Variants in MALAT1 observed in about 807,000 individuals in gnomAD.
MALAT1 encodes the protein metastasis associated lung adenocarcinoma transcript 1, also known as hepcarcin.
chr11:65,502,605 T>C (rs981368587), exon 3 of MALAT1: 5 of 479,344 alleles, frequency 1.0e-5, no homozygotes, highest in African/African-American at 8.3e-5. Context: ...CTTTTGTTGA[T>C]GAGGGAGGGG....
At chr11:65,505,285 A>G (rs1590707362) in intron 3 of MALAT1, 2 of 518,668 alleles carry the variant, frequency 3.9e-6, no homozygotes, top group Non-Finnish European at 7.7e-6. Context: ...TAAGGTCAAG[A>G]GAAGTGTCAG....
In MALAT1 at chr11:65,501,308, C is replaced by T. The variant is rs151201514; in HGVS notation, n.2571C>T. The T allele has an allele frequency of 5.7e-3, 2,966 of 518,424 alleles. 54 individuals are homozygous for T. The highest frequency in any genetic ancestry group is 4.3e-3 in the Non-Finnish European group (1,122 of 259,738). The allele number at this position is 518,424 out of a possible 1,614,324, so 32.1% of individuals were successfully genotyped here. On this transcript the variant is annotated non_coding_transcript_exon_variant, in exon 3 of 4. Transcript: ENST00000619449. ...TCTAGAATCCTAAAGGCAAATGACT[C>T]AAGGTGTAACAGAAAACAAGAAAAT...
intron 3 of MALAT1, chr11:65,504,100 G>C (rs770610888): frequency 3.9e-6 from 2 of 517,202 alleles, no homozygotes; most frequent in Non-Finnish European, 3.9e-6. Context: ...GGGAGGGGGT[G>C]CCTGTGGGGT....
chr11:65,502,688 G>A (rs1446611052), exon 3 of MALAT1: 1 of 503,866 alleles, frequency 2.0e-6, no homozygotes, highest in Non-Finnish European at 3.9e-6. Flanking sequence ...CAGTATGATG[G>A]CCTAGATGCA....
chr11:65,504,724 G>A (rs1377791905), intron 3 of MALAT1: 2 of 518,778 alleles, frequency 3.9e-6, no homozygotes, highest in African/African-American at 1.9e-5. Context: ...AATTAAACTG[G>A]CAAGTGGAAA....
At chr11:65,500,388 A>T in exon 3 of MALAT1, 1 of 518,998 alleles carries the variant, frequency 1.9e-6, no homozygotes, top group South Asian at 1.4e-5. Context: ...ATTAATTGAC[A>T]GCTGACCCAG....
At chr11:65,505,677 G>A (rs200655069) in intron 3 of MALAT1, 91 of 518,994 alleles carry the variant, frequency 1.8e-4, no homozygotes, top group South Asian at 2.2e-4. Context: ...CGATGGTGTC[G>A]AGGTCTTTGG....
At chr11:65,498,840 G>T (rs369568173) in intron 2 of MALAT1, 1 of 518,542 alleles carries the variant, frequency 1.9e-6, no homozygotes, top group African/African-American at 1.9e-5. Flanking sequence ...CTTTCCACAC[G>T]CTAGTAATTT....
rs773155443 is a variant in MALAT1, at chr11:65,498,751, G to C, written n.231+17G>C. On this transcript the variant is annotated intron_variant and non_coding_transcript_variant, in intron 2 of 3. Coordinates refer to ENST00000619449, the Ensembl canonical transcript of MALAT1. The stretch of plus-strand genomic sequence containing the variant: ...CTTTAAGAGGTATTTTAAAAGTTCC[G>C]GGGGTTTTGTGAGGTGTTTGATGAC... 15 of 518,762 alleles carry C rather than the reference G, an allele frequency of 2.9e-5. No homozygotes were observed. In the Admixed American group the frequency reaches 2.9e-4, roughly 10 times the overall value. 32.1% of individuals were successfully genotyped at this position (518,762 alleles called of 1,614,324 possible). A position where few individuals can be genotyped will look rare whatever the true frequency, so the allele number is the denominator to read the frequency against.
intron 3 of MALAT1, chr11:65,505,283 A>G (rs1854656300): frequency 1.9e-6 from 1 of 518,696 alleles, no homozygotes; most frequent in Non-Finnish European, 3.8e-6. Context: ...CCTAAGGTCA[A>G]GAGAAGTGTC....
chr11:65,502,585 A>G (rs768243126), exon 3 of MALAT1: 1 of 483,720 alleles, frequency 2.1e-6, no homozygotes, highest in Non-Finnish European at 4.0e-6. Context: ...AATGTCTCTT[A>G]GAGGGTGGGC....
chr11:65,498,015 T>G, intron 1 of MALAT1: 1 of 518,930 alleles, frequency 1.9e-6, no homozygotes, highest in Non-Finnish European at 3.8e-6. Flanking sequence ...TGCAGTTTGG[T>G]CTTGGGGTTT....
chr11:65,499,488 C>T (rs777005385), exon 3 of MALAT1: 12 of 465,128 alleles, frequency 2.6e-5, no homozygotes, highest in Non-Finnish European at 4.7e-5. Flanking sequence ...TGAAGGCGAT[C>T]TTTTAAAAAG....
At chr11:65,501,300 A>T in exon 3 of MALAT1, 1 of 518,738 alleles carries the variant, frequency 1.9e-6, no homozygotes, top group Non-Finnish European at 3.8e-6. Flanking sequence ...TCCTAAAGGC[A>T]AATGACTCAA....
chr11:65,499,330 G>T, exon 3 of MALAT1: 1 of 501,258 alleles, frequency 2.0e-6, no homozygotes, highest in South Asian at 1.4e-5. Flanking sequence ...TCTTCATGGA[G>T]TAAAAAATGT....
At chr11:65,502,014 C>G (rs1339759828) in exon 3 of MALAT1, 1 of 515,216 alleles carries the variant, frequency 1.9e-6, no homozygotes, top group South Asian at 1.4e-5. Context: ...GCAAGTAACT[C>G]CCAATGATTT....
exon 3 of MALAT1, chr11:65,499,880 T>C (rs192040195): frequency 4.7e-6 from 2 of 429,158 alleles, no homozygotes; most frequent in African/African-American, 2.1e-5. Context: ...AATGAAAATA[T>C]TGTCAAGAGT....
chr11:65,500,095 A>T (rs756908978), exon 3 of MALAT1: 1 of 464,912 alleles, frequency 2.2e-6, no homozygotes, highest in South Asian at 1.6e-5. Flanking sequence ...GTGTTTACGT[A>T]GACCAGAACC....
chr11:65,502,138 T>C (rs776934840), exon 3 of MALAT1: 3 of 516,924 alleles, frequency 5.8e-6, no homozygotes, highest in South Asian at 4.2e-5. Context: ...ATACTGTATC[T>C]GTTTTCCTTC....
Sources: allele counts gnomAD v4.1 joint callset, GRCh38; gene constraint gnomAD v4.1.1; transcripts MANE v1.5; gene names NCBI Gene and HGNC (gene_info 2026-07-23, HGNC 2026-07-21).